Variants in CHST11 observed in about 807,000 individuals in gnomAD.
CHST11 encodes the protein C4S-1.
Under a neutral mutation model 30.4 loss-of-function variants are expected in CHST11, and 9 were observed. The observed-to-expected ratio is 0.30, with a 90% confidence interval of 0.18 to 0.52. CHST11 has a LOEUF of 0.52. Among genes scored for constraint, CHST11 ranks in the 20% least tolerant of loss-of-function variants. The pLI is 0.97. For synonymous variants in CHST11, 152 were observed against 187.8 expected (o/e 0.81, Z 1.56); for missense variants, 348 against 460.6 (o/e 0.76, Z 2.24).
At chr12:104,503,785 C>T (rs1202796404) in intron 1 of CHST11, among the ~76,000 whole-genome samples, 5 of 152,138 alleles carry the variant, frequency 3.3e-5, no homozygotes, top group East Asian at 3.9e-4. Flanking sequence ...AGTACCCGTT[C>T]GCTTTCTCTG....
chr12:104,588,237 A>G, intron 1 of CHST11, among the ~76,000 whole-genome samples: 1 of 152,100 alleles, frequency 6.6e-6, no homozygotes, highest in Non-Finnish European at 1.5e-5. Flanking sequence ...GTGTCTATTT[A>G]TTGTCACTTG....
intron 1 of CHST11, among the ~76,000 whole-genome samples, chr12:104,478,199 A>G (rs1378922115): frequency 6.6e-6 from 1 of 152,198 alleles, no homozygotes; most frequent in Non-Finnish European, 1.5e-5. Flanking sequence ...ACACACAAAC[A>G]CACACGGCAG....
chr12:104,758,602 A>G lies in CHST11; in HGVS notation c.*799A>G, dbSNP rs577093438. On this transcript the variant is annotated 3_prime_UTR_variant, in exon 3 of 3. Transcript: ENST00000303694. ...CTAGGCCCTGAAGATAGAGCGTTGA[A>G]CAAACCCAATAGTCTTGGCCCTCAA... 3 of 152,320 alleles carry G rather than the reference A, an allele frequency of 2.0e-5. No homozygotes were observed. In the South Asian group the frequency reaches 6.2e-4, roughly 32 times the overall value. The allele number at this position is 152,320 out of a possible 1,614,324, so 9.4% of individuals were successfully genotyped here.
At chr12:104,655,414 C>A (rs1285249970) in intron 2 of CHST11, among the ~76,000 whole-genome samples, 1 of 152,242 alleles carries the variant, frequency 6.6e-6, no homozygotes, top group African/African-American at 2.4e-5. Flanking sequence ...CACCACTGCT[C>A]TCACTCCCCC....
intron 2 of CHST11, among the ~76,000 whole-genome samples, chr12:104,706,848 A>AT (rs1279899450): frequency 6.6e-5 from 10 of 152,318 alleles, no homozygotes; most frequent in African/African-American, 2.4e-4. Flanking sequence ...GAGCTGCCAC[A>AT]TTTTAATATG....
chr12:104,472,163 C>T (rs1162696157), intron 1 of CHST11, among the ~76,000 whole-genome samples: 1 of 141,518 alleles, frequency 7.1e-6, no homozygotes, highest in African/African-American at 2.6e-5. Flanking sequence ...TTTGTAGAGA[C>T]AGGGTCTAGT....
chr12:104,686,038 G>T (rs2039842836), intron 2 of CHST11, among the ~76,000 whole-genome samples: 1 of 151,968 alleles, frequency 6.6e-6, no homozygotes, highest in South Asian at 2.1e-4. Context: ...ACCAGCCTAG[G>T]CAGCCTTAGT....
intron 2 of CHST11, among the ~76,000 whole-genome samples, chr12:104,626,764 C>G (rs2039219562): frequency 6.6e-6 from 1 of 151,830 alleles, no homozygotes; most frequent in South Asian, 2.1e-4. Context: ...AATTCCCAGA[C>G]ACCCCTGCCC....
intron 1 of CHST11, among the ~76,000 whole-genome samples, chr12:104,460,909 A>G (rs1297653180): frequency 1.3e-5 from 2 of 152,186 alleles, no homozygotes; most frequent in Non-Finnish European, 2.9e-5. Flanking sequence ...TTTATAGGGC[A>G]AGGACCAGGT....
At chr12:104,735,175 G>C (rs939423164) in intron 2 of CHST11, among the ~76,000 whole-genome samples, 3 of 152,054 alleles carry the variant, frequency 2.0e-5, no homozygotes, top group Non-Finnish European at 2.9e-5. Flanking sequence ...CAGTTACCTG[G>C]GTTCAAATCC....
At chr12:104,722,755 C>G (rs979404611) in intron 2 of CHST11, among the ~76,000 whole-genome samples, 2 of 152,052 alleles carry the variant, frequency 1.3e-5, no homozygotes, top group African/African-American at 4.8e-5. Flanking sequence ...CTGTTTCCTG[C>G]TGATACCTGG....
chr12:104,698,079 A>C (rs555628073), intron 2 of CHST11, among the ~76,000 whole-genome samples: 1 of 152,174 alleles, frequency 6.6e-6, no homozygotes, highest in Admixed American at 6.5e-5. Flanking sequence ...AGTTGAATGC[A>C]TCAGCATGTT....
At chr12:104,620,976 T>C (rs530414948) in intron 2 of CHST11, among the ~76,000 whole-genome samples, 10 of 152,348 alleles carry the variant, frequency 6.6e-5, no homozygotes, top group African/African-American at 2.2e-4. Flanking sequence ...AAACAACCCA[T>C]GGCAAATTGC....
chr12:104,635,298 A>G (rs1218283798), intron 2 of CHST11, among the ~76,000 whole-genome samples: 1 of 152,188 alleles, frequency 6.6e-6, no homozygotes, highest in Non-Finnish European at 1.5e-5. Flanking sequence ...CCACATTTTC[A>G]GGAATAAAAA....
At chr12:104,694,961 G>A (rs11112171) in intron 2 of CHST11, among the ~76,000 whole-genome samples, 16,537 of 152,160 alleles carry the variant, frequency 0.11, 1,062 homozygotes, top group Non-Finnish European at 0.14. Context: ...GGTTCCCACC[G>A]GACCCTTTGC....
intron 1 of CHST11, among the ~76,000 whole-genome samples, chr12:104,464,033 G>A (rs113752624): frequency 0.024 from 3,697 of 151,674 alleles, 152 homozygotes; most frequent in African/African-American, 0.084. Context: ...TGGAAGCAAT[G>A]TAGCAAGATT....
At chr12:104,481,576 A>G (rs1039635406) in intron 1 of CHST11, among the ~76,000 whole-genome samples, 4 of 152,128 alleles carry the variant, frequency 2.6e-5, no homozygotes, top group Non-Finnish European at 4.4e-5. Context: ...GGGAGCGGTC[A>G]TGGATTCTCT....
chr12:104,742,780 C>T (rs1248856338), intron 2 of CHST11, among the ~76,000 whole-genome samples: 1 of 152,244 alleles, frequency 6.6e-6, no homozygotes, highest in Non-Finnish European at 1.5e-5. Context: ...GCGCCCTCCC[C>T]CTCCAGCGTG....
At chr12:104,679,898 C>T (rs572604962) in intron 2 of CHST11, among the ~76,000 whole-genome samples, 1 of 152,242 alleles carries the variant, frequency 6.6e-6, no homozygotes, top group East Asian at 1.9e-4. Context: ...AAGAGGCCTC[C>T]CCACAACAAA....
Sources: gnomAD v4.1 joint callset for allele counts (sites outside exome capture counted in the v4.1 genomes callset) on GRCh38, gnomAD v4.1.1 for gene constraint, MANE v1.5 for transcripts, NCBI Gene and HGNC (gene_info 2026-07-23, HGNC 2026-07-21) for gene names.